The following L3MBTL4 variants were observed in gnomAD, a reference collection of about 807,000 sequenced individuals.
L3MBTL4 encodes L3MBTL histone methyl-lysine binding protein 4.
In L3MBTL4, 70 loss-of-function variants were observed where a neutral mutation model predicts 84.5. The ratio of observed to expected loss-of-function variants is 0.83; its 90% CI spans 0.68 to 1.01. L3MBTL4 has a LOEUF of 1.01. Ranked by LOEUF, L3MBTL4 falls within the 50% of genes least tolerant of loss-of-function variation. The probability of loss-of-function intolerance (pLI) is 0.00; values close to 1 mark genes in which losing one functional copy is unlikely to be tolerated. For synonymous variants in L3MBTL4, 274 were observed against 259.8 expected (o/e 1.05, Z -0.52); for missense variants, 715 against 754.8 (o/e 0.95, Z 0.62).
chr18:6,372,367 C>T (rs919650337), intron 1 of L3MBTL4, among the ~76,000 whole-genome samples: 1 of 152,096 alleles, frequency 6.6e-6, no homozygotes, highest in African/African-American at 2.4e-5. Flanking sequence ...AATTAGACAC[C>T]CCTTTGCCTC....
At chr18:6,371,711 A>G (rs1408902549) in intron 1 of L3MBTL4, among the ~76,000 whole-genome samples, 1 of 152,246 alleles carries the variant, frequency 6.6e-6, no homozygotes, top group African/African-American at 2.4e-5. Context: ...CTACAAATGC[A>G]TATGTCACTG....
intron 16 of L3MBTL4, chr18:6,030,365 C>T (rs1655636494): frequency 1.0e-6 from 1 of 985,190 alleles, no homozygotes; most frequent in Non-Finnish European, 1.2e-6. Context: ...AAATCCTAGT[C>T]TGGGAGAATT....
intron 13 of L3MBTL4, among the ~76,000 whole-genome samples, chr18:6,162,024 T>C (rs2043364592): frequency 6.6e-6 from 1 of 151,702 alleles, no homozygotes; most frequent in Admixed American, 6.6e-5. Context: ...CCAAGGTTTT[T>C]ATTACAATAA....
chr18:6,326,885 C>T (rs1221839152), intron 1 of L3MBTL4, among the ~76,000 whole-genome samples: 1 of 152,176 alleles, frequency 6.6e-6, no homozygotes, highest in East Asian at 1.9e-4. Context: ...ATTGTATGTT[C>T]ATTAATTTGT....
chr18:6,297,903 G>T (rs1359060370), intron 4 of L3MBTL4, among the ~76,000 whole-genome samples: 1 of 152,034 alleles, frequency 6.6e-6, no homozygotes, highest in Non-Finnish European at 1.5e-5. Context: ...CTACATACTT[G>T]TCTACACACA....
chr18:6,139,614 C>T (rs2060134995), intron 13 of L3MBTL4, among the ~76,000 whole-genome samples: 1 of 152,082 alleles, frequency 6.6e-6, no homozygotes, highest in Admixed American at 6.6e-5. Context: ...CTGACAATCC[C>T]ACACTTTCCT....
intron 15 of L3MBTL4, among the ~76,000 whole-genome samples, chr18:6,088,259 T>C (rs983893813): frequency 2.0e-5 from 3 of 152,172 alleles, no homozygotes; most frequent in Non-Finnish European, 4.4e-5. Context: ...TTAGCAAGGA[T>C]AGGACTGGCC....
intron 1 of L3MBTL4, among the ~76,000 whole-genome samples, chr18:6,344,458 T>A (rs918259013): frequency 1.3e-5 from 2 of 152,142 alleles, no homozygotes; most frequent in African/African-American, 2.4e-5. Flanking sequence ...CTACAAACAT[T>A]TTAAGAAGAA....
intron 7 of L3MBTL4, 87 bp from the exon 8 acceptor site, chr18:6,241,536 G>T (rs1450609598): frequency 7.0e-6 from 5 of 713,944 alleles, no homozygotes; most frequent in Non-Finnish European, 9.4e-6. Flanking sequence ...AAGTAAGTGC[G>T]GTTTTGGCCA....
In L3MBTL4 at chr18:6,095,346, G is replaced by GTTTTTTTT. The variant is rs71370544; in HGVS notation, c.1200-1826_1200-1819dup. On this transcript the variant is annotated intron_variant, in intron 14 of 18. Transcript: ENST00000317931. Reference sequence around the variant, plus strand: ...AATCAGGCTGAAGAAGGGGAACATGGTTTTTTTTTTTTTTTTTTTGAGATG... The same window carrying GTTTTTTTT: ...AATCAGGCTGAAGAAGGGGAACATGGTTTTTTTTTTTTTTTTTTTTTTTTTTTGAGATG... Among the ~76,000 whole-genome samples the GTTTTTTTT allele has an allele frequency of 1.8e-3, 227 of 122,886 alleles. 3 individuals are homozygous for GTTTTTTTT. Among genetic ancestry groups the GTTTTTTTT allele is most frequent in the African/African-American group, 4.4e-3 (128 of 29,182 alleles). 80.6% of individuals were successfully genotyped at this position (122,886 alleles called of 152,430 possible).
intron 16 of L3MBTL4, among the ~76,000 whole-genome samples, chr18:6,040,830 C>G (rs796211882): frequency 2.0e-4 from 31 of 152,306 alleles, no homozygotes; most frequent in African/African-American, 7.2e-4. Flanking sequence ...CCATGGCTGG[C>G]CTTCTGCTCT....
intron 1 of L3MBTL4, among the ~76,000 whole-genome samples, chr18:6,341,120 G>A (rs1013839111): frequency 6.6e-6 from 1 of 152,066 alleles, no homozygotes; most frequent in African/African-American, 2.4e-5. Flanking sequence ...AAGCTCACTG[G>A]TGAAGGTCTT....
intron 5 of L3MBTL4, chr18:6,259,773 C>A (rs1313031796): frequency 6.6e-6 from 1 of 152,096 alleles, no homozygotes. Context: ...TTTTGCTGTG[C>A]AGAAGCCCTT....
intron 1 of L3MBTL4, among the ~76,000 whole-genome samples, chr18:6,342,297 A>G (rs2052644453): frequency 6.6e-6 from 1 of 152,204 alleles, no homozygotes. Context: ...TTAAAAGGCA[A>G]AAGTATTAAA....
intron 17 of L3MBTL4, among the ~76,000 whole-genome samples, chr18:5,968,697 TAAATA>T (rs34548706): frequency 0.16 from 22,575 of 141,852 alleles, 1,943 homozygotes; most frequent in African/African-American, 0.22. Context: ...ACCTTGTCTC[TAAATA>T]AAATAAAATA....
intron 16 of L3MBTL4, among the ~76,000 whole-genome samples, chr18:5,989,934 C>T (rs1219939801): frequency 1.3e-5 from 2 of 152,138 alleles, no homozygotes; most frequent in Non-Finnish European, 2.9e-5. Flanking sequence ...CGTGAGGGCA[C>T]AAGGCAAGTA....
intron 12 of L3MBTL4, among the ~76,000 whole-genome samples, chr18:6,175,749 C>T (rs972026472): frequency 6.6e-5 from 10 of 152,212 alleles, no homozygotes; most frequent in Non-Finnish European, 1.5e-4. Context: ...TTATTGAATG[C>T]TTCATCCCCA....
chr18:6,221,132 C>A (rs528535242), intron 10 of L3MBTL4, among the ~76,000 whole-genome samples: 3 of 152,150 alleles, frequency 2.0e-5, no homozygotes, highest in Admixed American at 1.3e-4. Flanking sequence ...ACAGCCTAAG[C>A]AGCAACCTAT....
intron 16 of L3MBTL4, among the ~76,000 whole-genome samples, chr18:6,005,123 A>G (rs527299880): frequency 6.9e-6 from 1 of 144,220 alleles, no homozygotes; most frequent in East Asian, 2.2e-4. Flanking sequence ...GTGGGTGGAT[A>G]ACTTGAAGTC....
Sources: gnomAD v4.1 joint callset for allele counts (sites outside exome capture counted in the v4.1 genomes callset) on GRCh38, gnomAD v4.1.1 for gene constraint, MANE v1.5 for transcripts, NCBI Gene and HGNC (gene_info 2026-07-23, HGNC 2026-07-21) for gene names.